Variants in SPTBN1 observed in about 807,000 individuals in gnomAD.
The protein encoded by SPTBN1 is spectrin beta chain, non-erythrocytic 1.
Under a neutral mutation model 266.4 loss-of-function variants are expected in SPTBN1, and 32 were observed. The ratio of observed to expected loss-of-function variants is 0.12; its 90% CI spans 0.09 to 0.16. The LOEUF (loss-of-function observed/expected upper bound fraction) is 0.16. Among genes scored for constraint, SPTBN1 ranks in the 10% least tolerant of loss-of-function variants. SPTBN1 has a pLI of 1.00. For synonymous variants in SPTBN1, 1,336 were observed against 1,162.2 expected (o/e 1.15, Z -3.04); for missense variants, 2,296 against 3,067.1 (o/e 0.75, Z 5.94).
intron 2 of SPTBN1, among the ~76,000 whole-genome samples, chr2:54,595,677 G>A (rs79779610): frequency 6.6e-6 from 1 of 152,342 alleles, no homozygotes; most frequent in Admixed American, 6.5e-5. Context: ...GGTCATCAAA[G>A]AGAATGATGA....
chr2:54,531,090 C>G (rs1167671732), intron 2 of SPTBN1, among the ~76,000 whole-genome samples: 4 of 152,116 alleles, frequency 2.6e-5, no homozygotes, highest in African/African-American at 9.7e-5. Context: ...TTTGGCCGTT[C>G]CTGAGTTGTA....
intron 1 of SPTBN1, among the ~76,000 whole-genome samples, chr2:54,494,269 A>G (rs978497452): frequency 1.3e-5 from 2 of 152,250 alleles, no homozygotes; most frequent in African/African-American, 4.8e-5. Context: ...TTAAGAGGAT[A>G]TTCCTCTGGT....
intron 10 of SPTBN1, among the ~76,000 whole-genome samples, chr2:54,624,002 A>G (rs771423489): frequency 2.5e-4 from 38 of 152,378 alleles, no homozygotes; most frequent in Admixed American, 5.9e-4. Flanking sequence ...GCTGTCAAAT[A>G]AGCAATTTTA....
chr2:54,464,455 G>T (rs973191829), intron 1 of SPTBN1, among the ~76,000 whole-genome samples: 45 of 152,274 alleles, frequency 3.0e-4, no homozygotes, highest in Middle Eastern at 3.4e-3. Flanking sequence ...TGGTTTTACT[G>T]TATTAAGTAA....
At chr2:54,476,002 A>G (rs1458844475) in intron 1 of SPTBN1, among the ~76,000 whole-genome samples, 1 of 151,850 alleles carries the variant, frequency 6.6e-6, no homozygotes. Flanking sequence ...TTCTCTATAT[A>G]TTTATTTTGT....
rs70944167 is a variant in SPTBN1, at chr2:54,465,639, CATATATATATATATAT to C, written c.-48+9136_-48+9151del. On this transcript the variant is annotated intron_variant, in intron 1 of 35. Transcript: ENST00000356805. The stretch of plus-strand genomic sequence containing the variant: ...TGATGCATACATATCATGTTTATCT[CATATATATATATATAT>C]ATATATATATATATCTCACACATGG... Among the ~76,000 whole-genome samples, 28 of 116,340 alleles carry C rather than the reference CATATATATATATATAT, an allele frequency of 2.4e-4. 1 individual carries two copies. Among genetic ancestry groups the C allele is most frequent in the African/African-American group, 8.1e-4 (26 of 31,952 alleles). The allele number at this position is 116,340 out of a possible 152,430, so 76.3% of individuals were successfully genotyped here. A position where few individuals can be genotyped will look rare whatever the true frequency, so the allele number is the denominator to read the frequency against.
chr2:54,472,735 A>G (rs892911594), intron 1 of SPTBN1, among the ~76,000 whole-genome samples: 2 of 152,130 alleles, frequency 1.3e-5, no homozygotes, highest in African/African-American at 2.4e-5. Flanking sequence ...GGACTAATCT[A>G]AACAGCCAGT....
intron 19 of SPTBN1, 143 bp from the exon 20 acceptor site, chr2:54,644,180 G>T: frequency 9.8e-5 from 97 of 991,140 alleles, no homozygotes; most frequent in Middle Eastern, 2.8e-4. Flanking sequence ...TGATTTTATT[G>T]AGCAGTAACT....
chr2:54,661,009 C>CGTTGCA, intron 32 of SPTBN1: 1 of 985,368 alleles, frequency 1.0e-6, no homozygotes. Context: ...ATTACTTGAA[C>CGTTGCA]GTTGCACTTG....
intron 2 of SPTBN1, among the ~76,000 whole-genome samples, chr2:54,580,170 A>G (rs765952827): frequency 6.6e-6 from 1 of 152,248 alleles, no homozygotes; most frequent in Non-Finnish European, 1.5e-5. Flanking sequence ...AATATTCTCT[A>G]TGACAGCAGT....
At chr2:54,615,800 G>A (rs1168142504) in intron 4 of SPTBN1, among the ~76,000 whole-genome samples, 1 of 152,236 alleles carries the variant, frequency 6.6e-6, no homozygotes, top group African/African-American at 2.4e-5. Context: ...GGTGCACACA[G>A]TGCCCTCATC....
chr2:54,617,485 G>A, intron 5 of SPTBN1, 123 bp from the exon 6 acceptor site: 1 of 752,824 alleles, frequency 1.3e-6, no homozygotes, highest in Non-Finnish European at 2.2e-6. Context: ...ATTGTCCTTA[G>A]TGATATTCAC....
intron 30 of SPTBN1, 23 bp from the exon 31 acceptor site, chr2:54,659,131 A>T: frequency 6.2e-7 from 1 of 1,612,958 alleles, no homozygotes; most frequent in Non-Finnish European, 8.5e-7. Flanking sequence ...GACTCTACCA[A>T]ACATCACTCT....
At chr2:54,592,670 T>C (rs922124797) in intron 2 of SPTBN1, among the ~76,000 whole-genome samples, 1 of 152,356 alleles carries the variant, frequency 6.6e-6, no homozygotes, top group East Asian at 1.9e-4. Context: ...ATTACAGGTG[T>C]GAGCCAACGC....
At chr2:54,624,989 A>AC in intron 11 of SPTBN1, 27 bp downstream of exon 11, 1 of 1,554,718 alleles carries the variant, frequency 6.4e-7, no homozygotes, top group South Asian at 1.3e-5. Flanking sequence ...TATTAAAAAG[A>AC]CTGTTGCTAG....
intron 2 of SPTBN1, among the ~76,000 whole-genome samples, chr2:54,594,592 A>G (rs535963274): frequency 6.6e-6 from 1 of 152,314 alleles, no homozygotes; most frequent in Non-Finnish European, 1.5e-5. Flanking sequence ...CCTGGGACAT[A>G]GTAAGTGCTC....
chr2:54,519,607 T>G (rs1664331529), intron 1 of SPTBN1, among the ~76,000 whole-genome samples: 1 of 152,184 alleles, frequency 6.6e-6, no homozygotes, highest in Non-Finnish European at 1.5e-5. Flanking sequence ...ATGGGCAAGG[T>G]CCTCGTGAAG....
At chr2:54,497,792 T>G (rs186627075) in intron 1 of SPTBN1, among the ~76,000 whole-genome samples, 15 of 152,298 alleles carry the variant, frequency 9.8e-5, no homozygotes, top group Admixed American at 7.2e-4. Flanking sequence ...GCAAATATTT[T>G]GGGAACTGAA....
intron 2 of SPTBN1, among the ~76,000 whole-genome samples, chr2:54,553,060 C>A (rs765118084): frequency 1.3e-5 from 2 of 152,158 alleles, no homozygotes; most frequent in Non-Finnish European, 2.9e-5. Flanking sequence ...GAAAATTGTT[C>A]TTTTGGGGGG....
Sources: gnomAD v4.1 joint callset for allele counts (sites outside exome capture counted in the v4.1 genomes callset) on GRCh38, gnomAD v4.1.1 for gene constraint, MANE v1.5 for transcripts, NCBI Gene and HGNC (gene_info 2026-07-23, HGNC 2026-07-21) for gene names.